CCNF: variants seen among roughly 807,000 people sequenced by gnomAD.
CCNF encodes the protein cyclin-F.
CCNF carries 30 observed loss-of-function variants against 85.4 expected under a neutral mutation model. The observed-to-expected ratio is 0.35, with a 90% confidence interval of 0.26 to 0.48. The LOEUF (loss-of-function observed/expected upper bound fraction) is 0.48, where lower values mean the gene tolerates loss of function less well. Among genes scored for constraint, CCNF ranks in the 20% least tolerant of loss-of-function variants. CCNF has a pLI of 0.99. For missense variants in CCNF, 919 were observed against 1,010.4 expected, an observed-to-expected ratio of 0.91 and a Z score of 1.23; for synonymous variants, 439 against 425.1, an observed-to-expected ratio of 1.03 and a Z score of -0.40.
intron 10 of CCNF, 107 bp downstream of exon 10, chr16:2,445,729 G>GT (rs34430433): frequency 0.02 from 18,504 of 920,032 alleles, 2 homozygotes; most frequent in Middle Eastern, 0.028. Flanking sequence ...GTTTTGTGTT[G>GT]TTTTTTTTTT....
At chr16:2,433,566 GTTGTTTT>G (rs988689243) in intron 3 of CCNF, among the ~76,000 whole-genome samples, 22 of 152,070 alleles carry the variant, frequency 1.4e-4, no homozygotes, top group Non-Finnish European at 2.5e-4. Flanking sequence ...CTTTTTTGTT[GTTGTTTT>G]TTGTTTTTTG....
At chr16:2,450,140 G>A (rs1015584957) in intron 13 of CCNF, among the ~76,000 whole-genome samples, 2 of 151,802 alleles carry the variant, frequency 1.3e-5, no homozygotes, top group Admixed American at 1.3e-4. Context: ...CCAGGAAGCA[G>A]AGGTTGCAGT....
intron 9 of CCNF, among the ~76,000 whole-genome samples, chr16:2,444,543 G>T (rs1273118567): frequency 6.7e-6 from 1 of 149,378 alleles, no homozygotes; most frequent in Non-Finnish European, 1.5e-5. Flanking sequence ...CTCGTGATCC[G>T]CCTGCCTCCG....
At chr16:2,442,017 T>C (rs2065325912) in intron 8 of CCNF, among the ~76,000 whole-genome samples, 2 of 140,418 alleles carry the variant, frequency 1.4e-5, no homozygotes, top group South Asian at 4.5e-4. Context: ...TTTGTTTTGT[T>C]TTGTTTTTGA....
chr16:2,435,888 C>T lies in CCNF; in HGVS notation c.346+15C>T. On this transcript the variant is annotated intron_variant, in intron 4 of 16. Coordinates refer to ENST00000397066, the MANE Select transcript of CCNF (RefSeq NM_001761.3). The stretch of plus-strand genomic sequence containing the variant: ...CAATGAAGGCCGTAAGTCCTCACCC[C>T]ACCTGCATGTTGGCGCTTCAGATAA... 2.5e-6 allele frequency: 4 copies of T among 1,601,402 alleles called. No individual in the cohort carries two copies. Among genetic ancestry groups the T allele is most frequent in the Non-Finnish European group, 3.4e-6 (4 of 1,168,776 alleles).
rs1352919258 is a variant in CCNF at position 2,451,574 on chromosome 16, C to CT, written c.1488-1630dup. Among the ~76,000 whole-genome samples the CT allele has an allele frequency of 6.6e-6, 1 of 151,908 alleles. No individual in the cohort carries two copies. The highest frequency in any genetic ancestry group is 1.5e-5 in the Non-Finnish European group (1 of 67,928). Reference sequence around the variant, plus strand: ...ACTCAGCGGTGTGGGCTTTTTTTTCCTTTTTTGAGTTGGGGGCCCAGGCTG... The same window carrying CT: ...ACTCAGCGGTGTGGGCTTTTTTTTCCTTTTTTTGAGTTGGGGGCCCAGGCTG... On this transcript the variant is annotated intron_variant, in intron 13 of 16. Transcript: ENST00000397066. The surrounding 1 kb of genome is among the most constrained non-coding windows in gnomAD (Gnocchi z 4.3).
chr16:2,434,817 C>T (rs1022268232), intron 3 of CCNF, among the ~76,000 whole-genome samples: 3 of 152,158 alleles, frequency 2.0e-5, no homozygotes, highest in Non-Finnish European at 2.9e-5. Flanking sequence ...TCTGTCTCTC[C>T]GGATTTGCCT....
intron 2 of CCNF, 34 bp downstream of exon 2, chr16:2,431,318 G>A: frequency 1.2e-6 from 2 of 1,604,964 alleles, no homozygotes; most frequent in East Asian, 4.5e-5. Flanking sequence ...ATGAGCCCTA[G>A]CATTGTTGAT....
In CCNF at chr16:2,453,515, C is replaced by A. The variant is rs200908912; in HGVS notation, c.1693C>A (p.Pro565Thr). ...TGEIHAFLSS[P>T]SGRRTKRKRE... The stretch of plus-strand genomic sequence containing the variant: ...GGAGATCCACGCCTTCCTCAGCTCT[C>A]CCTCGGGGCGGAGAACCAAACGGTT... The change falls in exon 15 of 17, where the codon CCC (proline) becomes ACC (threonine). Residue 565 changes from proline (P) to threonine (T), a missense_variant. By Grantham distance (38) the Pro-to-Thr change is conservative. Transcript: ENST00000397066. This position sits in a 1 kb window ranked among gnomAD's most constrained non-coding sequence, Gnocchi z 5.6. The A allele has an allele frequency of 4.7e-5, 76 of 1,614,090 alleles. No individual in the cohort carries two copies. The highest frequency in any genetic ancestry group is 5.4e-5 in the Non-Finnish European group (64 of 1,180,030).
chr16:2,435,665 ACATATATATATATATAT>A (rs1339723147), intron 3 of CCNF, 124 bp from the exon 4 acceptor site: 31 of 18,316 alleles, frequency 1.7e-3, no homozygotes, highest in Admixed American at 0.015. Flanking sequence ...GCACACACAC[ACATATATATATATATAT>A]ATATATATAT....
At chr16:2,439,890 C>G (rs760625838) in intron 8 of CCNF, 64 bp downstream of exon 8, 38 of 1,384,706 alleles carry the variant, frequency 2.7e-5, no homozygotes, top group Non-Finnish European at 3.8e-5. Context: ...TGGGGCAGGA[C>G]TATCTGGGCT....
intron 15 of CCNF, among the ~76,000 whole-genome samples, chr16:2,454,143 A>C (rs2065411332): frequency 6.6e-6 from 1 of 152,154 alleles, no homozygotes; most frequent in Non-Finnish European, 1.5e-5. Flanking sequence ...AAGGGCAGGC[A>C]CTGGGTGGCT....
rs1288895759 is a variant in CCNF, at chr16:2,433,037, C to T, written c.248C>T (p.Pro83Leu). 7 of 1,610,748 alleles carry T rather than the reference C, an allele frequency of 4.3e-6. No individual in the cohort carries two copies. Among genetic ancestry groups the T allele is most frequent in the East Asian group, 2.2e-5 (1 of 44,798 alleles). ...TGTGCCAGCTTCCAGGAGCTGTGGC[C>T]GTCTCCAGGGAACCTGAAGCTCTTT... ...WACASFQELW[P>L]SPGNLKLFER... is the part of the protein sequence containing the mutation. Residue 83 changes from proline (P) to leucine (L), a missense_variant, in exon 3 of 17, where the codon CCG becomes CTG. Transcript: ENST00000397066.
intron 4 of CCNF, chr16:2,436,309 G>C (rs573493084): frequency 1.3e-5 from 2 of 155,846 alleles, no homozygotes; most frequent in East Asian, 3.7e-4. Context: ...GTACAGGCAG[G>C]TTAGAACTGG....
In CCNF at chr16:2,452,991, G is replaced by T. The variant is rs574309783; in HGVS notation, c.1488-219G>T. On this transcript the variant is annotated intron_variant, in intron 13 of 16. Transcript: ENST00000397066. This position sits in a 1 kb window ranked among gnomAD's most constrained non-coding sequence, Gnocchi z 4.1. ...GTCCTGCCATGAACATTCTAGTACA[G>T]GTTTCTGTGTGGACATAGTTTTTCC... 33 of 592,480 alleles carry T rather than the reference G, an allele frequency of 5.6e-5. No homozygotes were observed. Among genetic ancestry groups the T allele is most frequent in the Non-Finnish European group, 9.0e-5 (30 of 331,866 alleles). 36.7% of individuals were successfully genotyped at this position (592,480 alleles called of 1,614,324 possible).
intron 1 of CCNF, 119 bp from the exon 2 acceptor site, chr16:2,431,011 G>T: frequency 9.5e-7 from 1 of 1,055,986 alleles, no homozygotes. Flanking sequence ...TGTGGCACAG[G>T]GAATAGTAAC....
chr16:2,454,458 C>T (rs538321186), intron 15 of CCNF, among the ~76,000 whole-genome samples: 2 of 152,366 alleles, frequency 1.3e-5, no homozygotes, highest in South Asian at 2.1e-4. Context: ...TGTGCTCAGC[C>T]TCGCTGTGTT....
intron 3 of CCNF, among the ~76,000 whole-genome samples, chr16:2,433,417 C>G (rs2065272321): frequency 6.6e-6 from 1 of 152,190 alleles, no homozygotes; most frequent in Non-Finnish European, 1.5e-5. Context: ...TGAATTCTAT[C>G]CTATAGCGTT....
intron 15 of CCNF, 84 bp from the exon 16 acceptor site, chr16:2,455,311 G>C (rs182817534): frequency 2.1e-6 from 3 of 1,455,860 alleles, no homozygotes; most frequent in East Asian, 2.5e-5. Flanking sequence ...TGGGGCACGC[G>C]GGTGTTAGAG....
Sources: allele counts gnomAD v4.1 joint callset (sites outside exome capture counted in the v4.1 genomes callset), GRCh38; gene constraint gnomAD v4.1.1; non-coding constraint Gnocchi (gnomAD v3.1); transcripts MANE v1.5; gene names NCBI Gene and HGNC (gene_info 2026-07-23, HGNC 2026-07-21).